The following SNTG2 variants were observed in gnomAD, a reference collection of about 807,000 sequenced individuals.
The protein encoded by SNTG2 is gamma-2-syntrophin.
SNTG2 carries 74 observed loss-of-function variants against 70.9 expected under a neutral mutation model. That is an observed-to-expected ratio of 1.04 (90% CI 0.86 to 1.27). The LOEUF (loss-of-function observed/expected upper bound fraction) is 1.27, where lower values mean the gene tolerates loss of function less well. Among genes scored for constraint, SNTG2 ranks in the 50% most tolerant of loss-of-function variants. The pLI, the probability that SNTG2 is intolerant of heterozygous loss-of-function variation, is 0.00. For missense variants in SNTG2, 717 were observed against 690.7 expected (o/e 1.04, Z -0.43); for synonymous variants, 278 against 273.8 (o/e 1.02, Z -0.15).
chr2:1,161,866 A>G (rs2147846609), intron 6 of SNTG2, among the ~76,000 whole-genome samples: 1 of 152,250 alleles, frequency 6.6e-6, no homozygotes, highest in Admixed American at 6.5e-5. Context: ...CGAGGTCAGG[A>G]GATCGAGACC....
At chr2:1,003,184 C>T (rs1659462644) in intron 1 of SNTG2, among the ~76,000 whole-genome samples, 1 of 152,112 alleles carries the variant, frequency 6.6e-6, no homozygotes, top group South Asian at 2.1e-4. Flanking sequence ...AGCCTGCATG[C>T]ACCACTACAT....
rs1665447326 is a variant in SNTG2 at position 1,097,188 on chromosome 2, C to T, written c.211-1008C>T. Among the ~76,000 whole-genome samples, 1 of 152,184 alleles carries T rather than the reference C, an allele frequency of 6.6e-6. No homozygotes were observed. The highest frequency in any genetic ancestry group is 2.4e-5 in the African/African-American group (1 of 41,444). ...ATGAAGTATTTCCCCCTAAGAAGGA[C>T]ATTCCTGGGGTATCTCAGGCTGCGG... On this transcript the variant is annotated intron_variant, in intron 2 of 16. Coordinates refer to ENST00000308624, the MANE Select transcript of SNTG2 (RefSeq NM_018968.4). This position sits in a 1 kb window ranked among gnomAD's most constrained non-coding sequence, Gnocchi z 4.1.
At chr2:1,282,685 G>A (rs1382369681) in intron 14 of SNTG2, among the ~76,000 whole-genome samples, 1 of 146,980 alleles carries the variant, frequency 6.8e-6, no homozygotes, top group East Asian at 2.1e-4. Context: ...CAGTGAGCTG[G>A]GCGCTCTCCA....
intron 8 of SNTG2, among the ~76,000 whole-genome samples, chr2:1,179,894 G>A (rs1028877037): frequency 7.0e-6 from 1 of 141,924 alleles, no homozygotes; most frequent in Non-Finnish European, 1.5e-5. Context: ...ACAGAACAGA[G>A]CCCTCAGAAA....
chr2:1,305,348 G>T (rs1278894258), intron 14 of SNTG2, among the ~76,000 whole-genome samples: 2 of 152,122 alleles, frequency 1.3e-5, no homozygotes, highest in African/African-American at 4.8e-5. Context: ...AAATTTGCTG[G>T]GCAGTCTATG....
chr2:1,288,939 C>G (rs6758527), intron 14 of SNTG2, among the ~76,000 whole-genome samples: 6,402 of 152,206 alleles, frequency 0.042, 438 homozygotes, highest in African/African-American at 0.15. Context: ...AATCTGACTT[C>G]AGATTTCTGG....
intron 9 of SNTG2, among the ~76,000 whole-genome samples, chr2:1,214,781 G>A (rs888595382): frequency 6.6e-6 from 1 of 152,138 alleles, no homozygotes; most frequent in African/African-American, 2.4e-5. Context: ...TTGTATAGAT[G>A]TGGTGAGAGT....
chr2:1,088,153 C>T (rs750341827), intron 2 of SNTG2, among the ~76,000 whole-genome samples: 17 of 152,220 alleles, frequency 1.1e-4, no homozygotes, highest in African/African-American at 1.7e-4. Context: ...TTTTATAATT[C>T]AGCCAAAATA....
At chr2:1,130,725 A>G (rs911650641) in intron 4 of SNTG2, among the ~76,000 whole-genome samples, 1 of 152,196 alleles carries the variant, frequency 6.6e-6, no homozygotes, top group Non-Finnish European at 1.5e-5. Flanking sequence ...AAGAGGCTTG[A>G]TTCATTTGCT....
chr2:1,307,130 CTGTG>C (rs1338000865), intron 14 of SNTG2, among the ~76,000 whole-genome samples: 3 of 132,310 alleles, frequency 2.3e-5, no homozygotes, highest in South Asian at 2.5e-4. Context: ...GCCATGTGCT[CTGTG>C]TGTGTGGTGG....
chr2:1,173,058 C>T (rs1671231208), intron 7 of SNTG2, 34 bp from the exon 8 acceptor site: 3 of 1,592,922 alleles, frequency 1.9e-6, no homozygotes, highest in Non-Finnish European at 2.6e-6. Flanking sequence ...GTCAGTGGCA[C>T]CAATTGGAAG....
chr2:954,441 G>A (rs1660078013), intron 1 of SNTG2, among the ~76,000 whole-genome samples: 2 of 152,294 alleles, frequency 1.3e-5, no homozygotes, highest in African/African-American at 4.8e-5. Flanking sequence ...GAGGAAAAAT[G>A]CACTCAGGAT....
intron 1 of SNTG2, among the ~76,000 whole-genome samples, chr2:995,446 A>G (rs567131639): frequency 6.6e-6 from 1 of 152,190 alleles, no homozygotes; most frequent in East Asian, 1.9e-4. Context: ...ATTTTTTAGA[A>G]ATGTTGATGG....
rs558008521 is a variant in SNTG2 at position 1,226,159 on chromosome 2, T to C, written c.720-11729T>C. Among the ~76,000 whole-genome samples, 3 of 152,344 alleles carry C rather than the reference T, an allele frequency of 2.0e-5. No homozygotes were observed. The East Asian group carries it at 5.8e-4, about 29-fold the overall frequency. On this transcript the variant is annotated intron_variant, in intron 9 of 16. Transcript: ENST00000308624. ...TTTATAACCATTGATTTTGATTCCA[T>C]GGGCTTTGAGATAGCCTGTTAGGTT...
chr2:1,059,746 A>C (rs1662693985), intron 1 of SNTG2, among the ~76,000 whole-genome samples: 1 of 152,198 alleles, frequency 6.6e-6, no homozygotes, highest in Non-Finnish European at 1.5e-5. Flanking sequence ...TTACTTAGAG[A>C]CCATTTTAAA....
intron 1 of SNTG2, among the ~76,000 whole-genome samples, chr2:1,058,040 A>G (rs1412692756): frequency 6.6e-6 from 1 of 152,178 alleles, no homozygotes. Flanking sequence ...AAGACAAAAA[A>G]TAAAAAGCTT....
intron 9 of SNTG2, among the ~76,000 whole-genome samples, chr2:1,227,419 G>A (rs1022508179): frequency 4.6e-5 from 7 of 152,374 alleles, no homozygotes; most frequent in South Asian, 2.1e-4. Flanking sequence ...GGTGTCCAGC[G>A]TCTGCTGCTG....
At chr2:1,282,593 A>G (rs1679593784) in intron 14 of SNTG2, among the ~76,000 whole-genome samples, 1 of 152,176 alleles carries the variant, frequency 6.6e-6, no homozygotes, top group Non-Finnish European at 1.5e-5. Flanking sequence ...CAGTATCTGC[A>G]AGGTCCCGCC....
In SNTG2 at chr2:1,239,763, C is replaced by G. The variant is rs773513514; in HGVS notation, c.875C>G (p.Ser292Cys). 1.2e-6 allele frequency: 2 copies of G among 1,613,512 alleles called. No homozygotes were observed. The highest frequency in any genetic ancestry group is 1.7e-6 in the Non-Finnish European group (2 of 1,179,800). The change falls in exon 11 of 17, where the codon TCT (serine) becomes TGT (cysteine). Residue 292 changes from serine to cysteine, a missense_variant. Ser to Cys is a moderately radical substitution (Grantham distance 112). Coordinates refer to ENST00000308624, the MANE Select transcript of SNTG2 (RefSeq NM_018968.4). ...QNMKMANKCC[S>C]PSDQVVHMGW... ...ATGAAGATGGCGAACAAATGCTGCT[C>G]TCCTTCCGACCAGGTAGGGTTTGTA...
Sources: allele counts gnomAD v4.1 joint callset (sites outside exome capture counted in the v4.1 genomes callset), GRCh38; gene constraint gnomAD v4.1.1; non-coding constraint Gnocchi (gnomAD v3.1); transcripts MANE v1.5; gene names NCBI Gene and HGNC (gene_info 2026-07-23, HGNC 2026-07-21).